NDST3: variants seen among roughly 807,000 people sequenced by gnomAD.
NDST3 encodes bifunctional heparan sulfate N-deacetylase/N-sulfotransferase 3.
Under a neutral mutation model 96.1 loss-of-function variants are expected in NDST3, and 58 were observed. That is an observed-to-expected ratio of 0.60 (90% CI 0.49 to 0.75). The LOEUF (loss-of-function observed/expected upper bound fraction) is 0.75. Ranked by LOEUF, NDST3 falls within the 30% of genes least tolerant of loss-of-function variation. The pLI, the probability that NDST3 is intolerant of heterozygous loss-of-function variation, is 0.00. For missense variants in NDST3, 788 were observed against 1,034.2 expected (o/e 0.76, Z 3.27); for synonymous variants, 333 against 359.7 (o/e 0.93, Z 0.84).
intron 6 of NDST3, among the ~76,000 whole-genome samples, chr4:118,211,367 T>C: frequency 6.6e-6 from 1 of 152,154 alleles, no homozygotes; most frequent in East Asian, 1.9e-4. Context: ...AGCTACATAA[T>C]TATTTTTAAG....
chr4:118,140,223 A>G (rs1463559060), intron 5 of NDST3, among the ~76,000 whole-genome samples: 3 of 152,144 alleles, frequency 2.0e-5, no homozygotes, highest in Non-Finnish European at 4.4e-5. Context: ...ACCTATTTCT[A>G]TTCCCTTTAT....
intron 4 of NDST3, among the ~76,000 whole-genome samples, chr4:118,121,708 A>G (rs1021069141): frequency 3.9e-5 from 6 of 152,216 alleles, no homozygotes; most frequent in African/African-American, 1.4e-4. Flanking sequence ...CAGGTCAAAA[A>G]TAACATTAGG....
At chr4:118,186,532 T>G (rs891413461) in intron 6 of NDST3, among the ~76,000 whole-genome samples, 2 of 152,176 alleles carry the variant, frequency 1.3e-5, no homozygotes, top group African/African-American at 4.8e-5. Context: ...GCTGAGAGGC[T>G]AAGCCAGTCT....
chr4:118,186,106 T>C (rs1379232146), intron 6 of NDST3, among the ~76,000 whole-genome samples: 1 of 152,146 alleles, frequency 6.6e-6, no homozygotes, highest in Non-Finnish European at 1.5e-5. Flanking sequence ...AATCTTCTGC[T>C]TACAGGAGAA....
intron 2 of NDST3, among the ~76,000 whole-genome samples, chr4:118,067,024 G>T (rs1383544222): frequency 6.8e-6 from 1 of 147,008 alleles, no homozygotes; most frequent in African/African-American, 2.5e-5. Context: ...AGACAAAGTA[G>T]TTGAGTTCAC....
intron 4 of NDST3, among the ~76,000 whole-genome samples, chr4:118,136,276 T>G (rs1733084511): frequency 6.6e-6 from 1 of 152,226 alleles, no homozygotes. Flanking sequence ...AAGAATACTA[T>G]TTAACAACCA....
At chr4:118,229,639 G>C (rs969219625) in intron 8 of NDST3, among the ~76,000 whole-genome samples, 2 of 152,072 alleles carry the variant, frequency 1.3e-5, no homozygotes, top group Non-Finnish European at 2.9e-5. Context: ...GTCATGAAAG[G>C]CTATTAAAAG....
intron 2 of NDST3, among the ~76,000 whole-genome samples, chr4:118,075,818 G>C (rs1301493388): frequency 6.6e-6 from 1 of 152,180 alleles, no homozygotes; most frequent in African/African-American, 2.4e-5. Flanking sequence ...CAGATGGGTA[G>C]ATTGCAAAAA....
intron 12 of NDST3, among the ~76,000 whole-genome samples, chr4:118,252,340 G>C (rs184567243): frequency 6.6e-6 from 1 of 152,140 alleles, no homozygotes; most frequent in African/African-American, 2.4e-5. Flanking sequence ...CTTGAATATT[G>C]AAGAAGTGTA....
chr4:118,244,734 C>T (rs1741206732), intron 12 of NDST3, among the ~76,000 whole-genome samples: 1 of 152,138 alleles, frequency 6.6e-6, no homozygotes, highest in African/African-American at 2.4e-5. Flanking sequence ...AGAAGAATCA[C>T]AATAAGCCCC....
chr4:118,131,176 ACTT>A (rs1732578995), intron 4 of NDST3, among the ~76,000 whole-genome samples: 1 of 151,628 alleles, frequency 6.6e-6, no homozygotes, highest in Non-Finnish European at 1.5e-5. Context: ...CTGTTTCTCT[ACTT>A]CTTCTTTAAA....
intron 2 of NDST3, chr4:118,055,381 A>C (rs2110451333): frequency 5.4e-6 from 1 of 185,882 alleles, no homozygotes; most frequent in South Asian, 1.1e-4. Flanking sequence ...TGAAACTGAA[A>C]ATCAGTACTA....
Position 118,143,702 on chromosome 4 carries a change from CAAAT to C in NDST3, c.1539+24_1539+27del, listed in dbSNP as rs758456807. 5.8e-6 allele frequency: 9 copies of C among 1,562,328 alleles called. No individual in the cohort carries two copies. The African/African-American group carries it at 1.1e-4, about 19-fold the overall frequency. The stretch of plus-strand genomic sequence containing the variant: ...TCAACCCTGTAAGTACTTTATTCTC[CAAAT>C]AAATAGTGAAAAATGATAGGGCTGG... On this transcript the variant is annotated intron_variant, in intron 6 of 13. Coordinates refer to ENST00000296499, the MANE Select transcript of NDST3 (RefSeq NM_004784.3).
intron 2 of NDST3, among the ~76,000 whole-genome samples, chr4:118,103,513 A>G (rs1461767600): frequency 1.3e-5 from 2 of 152,220 alleles, no homozygotes; most frequent in Non-Finnish European, 2.9e-5. Context: ...GTACAAATAT[A>G]CAGACACTTG....
chr4:118,103,481 G>A (rs937715355), intron 2 of NDST3, among the ~76,000 whole-genome samples: 2 of 152,120 alleles, frequency 1.3e-5, no homozygotes, highest in Non-Finnish European at 2.9e-5. Flanking sequence ...CACAAAATGT[G>A]TGTGTATTAT....
At chr4:118,234,950 A>G (rs1409660499) in intron 9 of NDST3, among the ~76,000 whole-genome samples, 6 of 151,970 alleles carry the variant, frequency 3.9e-5, no homozygotes, top group Admixed American at 3.9e-4. Context: ...GAATCACTTG[A>G]ACCTGGGAGG....
chr4:118,233,746 G>A (rs757408316), intron 9 of NDST3, among the ~76,000 whole-genome samples: 12 of 152,146 alleles, frequency 7.9e-5, no homozygotes, highest in Non-Finnish European at 1.5e-4. Context: ...GAGATAGATG[G>A]TACAAACTAA....
At chr4:118,224,068 T>C (rs1190224707) in intron 6 of NDST3, among the ~76,000 whole-genome samples, 2 of 152,146 alleles carry the variant, frequency 1.3e-5, no homozygotes, top group South Asian at 2.1e-4. Context: ...GGTGCTTCCA[T>C]AGGAAGAGTC....
chr4:118,070,374 TGA>T (rs1726956438), intron 2 of NDST3, among the ~76,000 whole-genome samples: 1 of 152,078 alleles, frequency 6.6e-6, no homozygotes, highest in African/African-American at 2.4e-5. Context: ...ACAGCCCCAG[TGA>T]ATGCATGTGT....
Sources: allele counts gnomAD v4.1 joint callset (sites outside exome capture counted in the v4.1 genomes callset), GRCh38; gene constraint gnomAD v4.1.1; transcripts MANE v1.5; gene names NCBI Gene and HGNC (gene_info 2026-07-23, HGNC 2026-07-21).